KCNMA1: variants seen among roughly 807,000 people sequenced by gnomAD.
KCNMA1 encodes the protein Calcium-activated potassium channel subunit alpha-1.
KCNMA1 carries 29 observed loss-of-function variants against 140.0 expected under a neutral mutation model. That is an observed-to-expected ratio of 0.21 (90% confidence interval 0.15 to 0.28). The LOEUF is 0.28. KCNMA1 is among the 10% of genes least tolerant of loss of function. The pLI, the probability that KCNMA1 is intolerant of heterozygous loss-of-function variation, is 1.00. For synonymous variants in KCNMA1, 612 were observed against 611.9 expected (o/e 1.00, Z 0.00); for missense variants, 880 against 1,602.2 (o/e 0.55, Z 7.70).
Position 77,190,176 on chromosome 10 carries a change from T to C in KCNMA1, c.603-5260A>G, listed in dbSNP as rs372471565. ...ATTCAGCAAACTACTTGTGCCCTCATTGACCTCTCCCATCTCTGAATTCCC... is the reference window on the plus strand; with the variant it reads ...ATTCAGCAAACTACTTGTGCCCTCACTGACCTCTCCCATCTCTGAATTCCC... On this transcript the variant is annotated intron_variant, in intron 3 of 27. Transcript: ENST00000286628. 1.1e-4 allele frequency among the ~76,000 whole-genome samples: 17 copies of C among 152,302 alleles called. No homozygotes were observed. In the East Asian group the frequency reaches 3.1e-3, roughly 28 times the overall value.
At chr10:77,358,661 C>G (rs1342649256) in intron 2 of KCNMA1, among the ~76,000 whole-genome samples, 2 of 152,220 alleles carry the variant, frequency 1.3e-5, no homozygotes, top group African/African-American at 4.8e-5. Context: ...CTGCCCTCAA[C>G]ACAGACTTCT....
intron 3 of KCNMA1, among the ~76,000 whole-genome samples, chr10:77,232,352 A>C (rs2053891480): frequency 6.6e-6 from 1 of 152,246 alleles, no homozygotes; most frequent in Non-Finnish European, 1.5e-5. Context: ...CCAAAGCTAC[A>C]GCACCATTCT....
chr10:77,170,681 T>C (rs1337880514), intron 5 of KCNMA1, among the ~76,000 whole-genome samples: 1 of 152,196 alleles, frequency 6.6e-6, no homozygotes, highest in African/African-American at 2.4e-5. Context: ...CCTGTATCTA[T>C]TTTCCTGAAT....
intron 19 of KCNMA1, among the ~76,000 whole-genome samples, chr10:76,986,496 A>G (rs1160052304): frequency 1.3e-5 from 2 of 152,156 alleles, no homozygotes; most frequent in Non-Finnish European, 2.9e-5. Context: ...GCTGGCTACC[A>G]CTCACTCTGG....
At chr10:77,181,215 T>C (rs1381872913) in intron 5 of KCNMA1, among the ~76,000 whole-genome samples, 1 of 152,170 alleles carries the variant, frequency 6.6e-6, no homozygotes, top group African/African-American at 2.4e-5. Context: ...ATTCTTCAGA[T>C]GAGAAAACTG....
rs537948162 is a variant in KCNMA1 at position 76,957,018 on chromosome 10, C to T, written c.2361-3094G>A. 9.6e-4 allele frequency among the ~76,000 whole-genome samples: 144 copies of T among 150,084 alleles called. 1 individual carries two copies. Among genetic ancestry groups the T allele is most frequent in the Admixed American group, 3.2e-3 (48 of 14,882 alleles). ...GGTGCCTGTAGTCCCAGCTACTCTA[C>T]TCGGGAGGCTGAGGCAGGAGAATGG... On this transcript the variant is annotated intron_variant, in intron 20 of 27. Transcript: ENST00000286628.
chr10:77,409,021 C>T (rs2096559981), intron 1 of KCNMA1, among the ~76,000 whole-genome samples: 2 of 152,196 alleles, frequency 1.3e-5, no homozygotes, highest in East Asian at 1.9e-4. Flanking sequence ...CTCCCGACAC[C>T]CACCCTACCA....
At position 77,084,622 on chromosome 10, in the gene KCNMA1, C is replaced by T. The variant is rs201896013; in HGVS notation, c.1523+15G>A. On this transcript the variant is annotated intron_variant, in intron 12 of 27. Coordinates refer to ENST00000286628, the MANE Select transcript of KCNMA1 (RefSeq NM_001161352.2). Reference sequence around the variant, plus strand: ...CTGCCAAGCCCAGGGCCTTCCGCAGCGCCCCAAGAGTTACCTCATGATATT... The same window carrying T: ...CTGCCAAGCCCAGGGCCTTCCGCAGTGCCCCAAGAGTTACCTCATGATATT... The T allele has an allele frequency of 2.6e-5, 41 of 1,607,036 alleles. No individual in the cohort carries two copies. Among genetic ancestry groups the T allele is most frequent in the African/African-American group, 4.0e-5 (3 of 74,800 alleles).
chr10:77,201,042 C>T (rs1463618126), intron 3 of KCNMA1, among the ~76,000 whole-genome samples: 1 of 152,128 alleles, frequency 6.6e-6, no homozygotes, highest in African/African-American at 2.4e-5. Context: ...ATTTAGATGT[C>T]CTTAGTTTCC....
chr10:77,023,083 G>T, intron 16 of KCNMA1: 1 of 341,174 alleles, frequency 2.9e-6, no homozygotes, highest in South Asian at 2.2e-5. Flanking sequence ...CCCTCCATGA[G>T]AGGAGCACCG....
At chr10:77,164,695 G>T (rs1223330073) in intron 5 of KCNMA1, among the ~76,000 whole-genome samples, 1 of 152,068 alleles carries the variant, frequency 6.6e-6, no homozygotes, top group Non-Finnish European at 1.5e-5. Context: ...TGGTTTTCTT[G>T]TCCTGTTAAC....
Position 77,108,259 on chromosome 10 carries a change from A to G in KCNMA1, c.1223+222T>C. The G allele has an allele frequency of 6.9e-7, 1 of 1,439,684 alleles. No individual in the cohort carries two copies. Among genetic ancestry groups the G allele is most frequent in the South Asian group, 1.5e-5 (1 of 68,174 alleles). The allele number at this position is 1,439,684 out of a possible 1,614,324, so 89.2% of individuals were successfully genotyped here. ...AGGGACTCCTGAAAGTCACTCAACC[A>G]CATCTTTTCTGATGCAACTGACTTA... On this transcript the variant is annotated intron_variant, in intron 9 of 27. Transcript: ENST00000286628. This position sits in a 1 kb window ranked among gnomAD's most constrained non-coding sequence, Gnocchi z 4.6.
intron 1 of KCNMA1, among the ~76,000 whole-genome samples, chr10:77,445,767 TCA>T (rs1453827972): frequency 2.6e-5 from 4 of 152,230 alleles, no homozygotes; most frequent in South Asian, 2.1e-4. Flanking sequence ...ACAGATGTCA[TCA>T]CAGTCATCGG....
intron 15 of KCNMA1, among the ~76,000 whole-genome samples, chr10:77,037,826 C>T (rs1160817267): frequency 6.6e-6 from 1 of 152,096 alleles, no homozygotes; most frequent in Non-Finnish European, 1.5e-5. Context: ...TCCCCCGGGG[C>T]TTTGTATCCT....
intron 2 of KCNMA1, among the ~76,000 whole-genome samples, chr10:77,333,514 A>T (rs2087519676): frequency 1.3e-5 from 2 of 152,370 alleles, no homozygotes; most frequent in East Asian, 3.9e-4. Context: ...ACATTACTAT[A>T]AACGAGTCGC....
chr10:77,105,039 A>AC (rs1455021080), intron 9 of KCNMA1, among the ~76,000 whole-genome samples: 6 of 152,218 alleles, frequency 3.9e-5, no homozygotes, highest in Non-Finnish European at 8.8e-5. Context: ...CCTCCAACTC[A>AC]GAGAGATTAC....
intron 5 of KCNMA1, among the ~76,000 whole-genome samples, chr10:77,137,594 C>T (rs1195824278): frequency 6.6e-6 from 1 of 152,124 alleles, no homozygotes; most frequent in Non-Finnish European, 1.5e-5. Flanking sequence ...TGCTTCTTAG[C>T]CCCAGCACAG....
intron 1 of KCNMA1, among the ~76,000 whole-genome samples, chr10:77,604,916 G>A: frequency 6.6e-6 from 1 of 151,978 alleles, no homozygotes; most frequent in Non-Finnish European, 1.5e-5. Flanking sequence ...GGCAGCTTGG[G>A]CCACCCACCA....
At chr10:77,623,452 C>T (rs2255725) in intron 1 of KCNMA1, among the ~76,000 whole-genome samples, 87,124 of 151,754 alleles carry the variant, frequency 0.57, 26,706 homozygotes, top group African/African-American at 0.78. Flanking sequence ...TCCCAGCACT[C>T]TGGGAGGCCG....
Sources: allele counts gnomAD v4.1 joint callset (sites outside exome capture counted in the v4.1 genomes callset), GRCh38; gene constraint gnomAD v4.1.1; non-coding constraint Gnocchi (gnomAD v3.1); transcripts MANE v1.5; gene names NCBI Gene and HGNC (gene_info 2026-07-23, HGNC 2026-07-21).